The following RAB3IP variants were observed in gnomAD, a reference collection of about 807,000 sequenced individuals.
RAB3IP encodes RAB3A interacting protein.
Under a neutral mutation model 59.1 loss-of-function variants are expected in RAB3IP, and 36 were observed. The ratio of observed to expected loss-of-function variants is 0.61; its 90% CI spans 0.47 to 0.80. RAB3IP has a LOEUF of 0.80. Ranked by LOEUF, RAB3IP falls within the 30% of genes least tolerant of loss-of-function variation. RAB3IP has a pLI of 0.00. For missense variants in RAB3IP, 511 were observed against 536.0 expected, an observed-to-expected ratio of 0.95 and a Z score of 0.46; for synonymous variants, 207 against 191.2, an observed-to-expected ratio of 1.08 and a Z score of -0.68.
At chr12:69,747,453 C>A (rs2136106099) in intron 1 of RAB3IP, among the ~76,000 whole-genome samples, 2 of 152,192 alleles carry the variant, frequency 1.3e-5, no homozygotes, top group African/African-American at 4.8e-5. Context: ...AGGCGTATGC[C>A]ACCACACTCT....
intron 1 of RAB3IP, among the ~76,000 whole-genome samples, chr12:69,752,668 C>CT (rs1305675276): frequency 6.6e-6 from 1 of 152,090 alleles, no homozygotes; most frequent in African/African-American, 2.4e-5. Context: ...AATGCAAATG[C>CT]TTTTACGTTT....
chr12:69,763,361 A>G (rs1408570318), intron 3 of RAB3IP, among the ~76,000 whole-genome samples: 2 of 152,226 alleles, frequency 1.3e-5, no homozygotes, highest in Admixed American at 6.5e-5. Context: ...GATAGTAAGC[A>G]GTTGTTAACC....
chr12:69,773,535 A>G (rs376262883), intron 3 of RAB3IP, among the ~76,000 whole-genome samples: 3 of 136,080 alleles, frequency 2.2e-5, no homozygotes, highest in African/African-American at 5.5e-5. Context: ...AGCATTAGGT[A>G]TATCTCCCAA....
chr12:69,822,182 T>C lies in RAB3IP; in HGVS notation c.*6736T>C, dbSNP rs1422403585. The C allele has an allele frequency of 6.6e-6, 1 of 152,170 alleles. No homozygotes were observed. Among genetic ancestry groups the C allele is most frequent in the Non-Finnish European group, 1.5e-5 (1 of 68,034 alleles). The allele number at this position is 152,170 out of a possible 1,614,324, so 9.4% of individuals were successfully genotyped here. A position where few individuals can be genotyped will look rare whatever the true frequency, so the allele number is the denominator to read the frequency against. Reference sequence around the variant, plus strand: ...TAGGCATCTTAATTCATATTTTATCTAAAGGCATATAAATCCTTAAAAAAA... The same window carrying C: ...TAGGCATCTTAATTCATATTTTATCCAAAGGCATATAAATCCTTAAAAAAA... On this transcript the variant is annotated 3_prime_UTR_variant, in exon 11 of 11. Coordinates refer to ENST00000247833, the MANE Select transcript of RAB3IP (RefSeq NM_022456.5).
intron 8 of RAB3IP, among the ~76,000 whole-genome samples, chr12:69,807,142 GCTC>G (rs1879469011): frequency 6.6e-6 from 1 of 151,308 alleles, no homozygotes; most frequent in African/African-American, 2.4e-5. Context: ...GGGCAGAGGT[GCTC>G]CTCACTTCCC....
intron 8 of RAB3IP, among the ~76,000 whole-genome samples, chr12:69,802,329 A>T (rs574686813): frequency 3.9e-5 from 6 of 152,242 alleles, no homozygotes; most frequent in Admixed American, 2.0e-4. Flanking sequence ...GTGTTTATAA[A>T]GGATTCTCAC....
At chr12:69,783,003 T>C (rs1377853748) in intron 3 of RAB3IP, among the ~76,000 whole-genome samples, 5 of 152,214 alleles carry the variant, frequency 3.3e-5, no homozygotes, top group African/African-American at 1.2e-4. Context: ...CTTCATTGTT[T>C]TCTAACATAA....
chr12:69,744,783 C>T (rs187458566), intron 1 of RAB3IP, among the ~76,000 whole-genome samples: 9 of 151,896 alleles, frequency 5.9e-5, no homozygotes, highest in Admixed American at 2.0e-4. Context: ...GCCTGATTGA[C>T]CATTTGAGTA....
rs895827636 is a variant in RAB3IP, at chr12:69,806,476, G to GT, written c.1130+4761dup. Reference sequence around the variant, plus strand: ...CTGGATTCATTGATTTTTTTGAAGGGTTTTTTGCGTCTCTATTTCCTTCAG... The same window carrying GT: ...CTGGATTCATTGATTTTTTTGAAGGGTTTTTTTGCGTCTCTATTTCCTTCAG... On this transcript the variant is annotated intron_variant, in intron 8 of 10. Transcript: ENST00000247833. Among the ~76,000 whole-genome samples the GT allele has an allele frequency of 6.6e-4, 99 of 149,978 alleles. 1 individual carries two copies. Among genetic ancestry groups the GT allele is most frequent in the African/African-American group, 2.4e-3 (96 of 40,774 alleles).
intron 8 of RAB3IP, among the ~76,000 whole-genome samples, chr12:69,802,948 C>A (rs956522959): frequency 6.6e-6 from 1 of 152,144 alleles, no homozygotes; most frequent in Non-Finnish European, 1.5e-5. Flanking sequence ...TTCTTAAATT[C>A]TACAAATACC....
intron 3 of RAB3IP, among the ~76,000 whole-genome samples, chr12:69,770,398 T>C (rs1459820092): frequency 6.6e-6 from 1 of 152,210 alleles, no homozygotes; most frequent in Non-Finnish European, 1.5e-5. Context: ...CTACATTACT[T>C]ATAATACCTA....
intron 3 of RAB3IP, among the ~76,000 whole-genome samples, chr12:69,770,587 A>G (rs909787852): frequency 6.6e-6 from 1 of 152,186 alleles, no homozygotes; most frequent in Non-Finnish European, 1.5e-5. Flanking sequence ...TCTTGTCTCC[A>G]GTATTACCAC....
intron 8 of RAB3IP, among the ~76,000 whole-genome samples, chr12:69,809,114 G>T (rs1879972300): frequency 1.3e-5 from 2 of 149,168 alleles, no homozygotes; most frequent in African/African-American, 2.5e-5. Context: ...AAATCTCTCA[G>T]CATTTGCTTG....
In RAB3IP at chr12:69,816,863, C is replaced by T. The variant is rs1226809005; in HGVS notation, c.*1417C>T. ...TCTTACCTGTAGATGACTTCAGCCA[C>T]CAGGCTGGATGGGAGCCCACAGACA... is the stretch of plus-strand genomic sequence containing the variant. On this transcript the variant is annotated 3_prime_UTR_variant, in exon 11 of 11. Coordinates refer to ENST00000247833, the MANE Select transcript of RAB3IP (RefSeq NM_022456.5). The T allele has an allele frequency of 6.6e-6, 1 of 152,150 alleles. No individual in the cohort carries two copies. The highest frequency in any genetic ancestry group is 1.5e-5 in the Non-Finnish European group (1 of 68,034). 9.4% of individuals were successfully genotyped at this position (152,150 alleles called of 1,614,324 possible).
At chr12:69,785,787 G>A (rs968624099) in intron 4 of RAB3IP, among the ~76,000 whole-genome samples, 7 of 152,120 alleles carry the variant, frequency 4.6e-5, no homozygotes, top group Non-Finnish European at 8.8e-5. Context: ...TCAAGTTGAC[G>A]TACACAATAA....
rs1288379849 is a variant in RAB3IP, at chr12:69,819,416, A to G, written c.*3970A>G. On this transcript the variant is annotated 3_prime_UTR_variant, in exon 11 of 11. Transcript: ENST00000247833. ...GTGTGAGGTGCCCACTGAGCATCAA[A>G]GTGGATATGTTAAGCAGGTATTGGA... 3 of 152,230 alleles carry G rather than the reference A, an allele frequency of 2.0e-5. No homozygotes were observed. Among genetic ancestry groups the G allele is most frequent in the Non-Finnish European group, 4.4e-5 (3 of 68,080 alleles). The allele number at this position is 152,230 out of a possible 1,614,324, so 9.4% of individuals were successfully genotyped here.
intron 1 of RAB3IP, chr12:69,739,591 G>A (rs899974233): frequency 2.1e-5 from 12 of 577,612 alleles, no homozygotes; most frequent in African/African-American, 1.9e-4. Context: ...GAGGCGTAGA[G>A]GTCACCCTCG....
In RAB3IP at chr12:69,819,281, T is replaced by G. The variant is rs934318795; in HGVS notation, c.*3835T>G. The G allele has an allele frequency of 1.3e-5, 2 of 152,228 alleles. No individual in the cohort carries two copies. The highest frequency in any genetic ancestry group is 4.8e-5 in the African/African-American group (2 of 41,462). The allele number at this position is 152,228 out of a possible 1,614,324, so 9.4% of individuals were successfully genotyped here. ...AAAGGAAAGAATTCAGGTCTGAATC[T>G]TAGGCTTTTGGCTTGAGCTATTGCA... is the stretch of plus-strand genomic sequence containing the variant. On this transcript the variant is annotated 3_prime_UTR_variant, in exon 11 of 11. Coordinates refer to ENST00000247833, the MANE Select transcript of RAB3IP (RefSeq NM_022456.5).
At chr12:69,779,512 G>T (rs1874270353) in intron 3 of RAB3IP, among the ~76,000 whole-genome samples, 1 of 151,212 alleles carries the variant, frequency 6.6e-6, no homozygotes, top group Non-Finnish European at 1.5e-5. Flanking sequence ...CTATCCCATA[G>T]ATCTTGTAAG....
Sources: allele counts gnomAD v4.1 joint callset (sites outside exome capture counted in the v4.1 genomes callset), GRCh38; gene constraint gnomAD v4.1.1; transcripts MANE v1.5; gene names NCBI Gene and HGNC (gene_info 2026-07-23, HGNC 2026-07-21).